Variants in CFTR observed in about 807,000 individuals in gnomAD.
CFTR encodes CF transmembrane conductance regulator, also known as cystic fibrosis transmembrane conductance regulator.
Under a neutral mutation model 171.6 loss-of-function variants are expected in CFTR, and 181 were observed. The ratio of observed to expected loss-of-function variants is 1.05; its 90% confidence interval spans 0.93 to 1.19. The LOEUF is 1.19. CFTR is among the 50% of genes most tolerant of loss of function. The probability of loss-of-function intolerance (pLI) is 0.00; values close to 1 mark genes in which losing one functional copy is unlikely to be tolerated. For synonymous variants in CFTR, 583 were observed against 608.0 expected (o/e 0.96, Z 0.60); for missense variants, 1,968 against 1,734.7 (o/e 1.13, Z -2.39).
intron 20 of CFTR, among the ~76,000 whole-genome samples, chr7:117,614,034 G>T (rs897105220): frequency 1.1e-4 from 15 of 132,860 alleles, no homozygotes; most frequent in Non-Finnish European, 2.3e-4. Flanking sequence ...TGCATAGAGG[G>T]TAATCTTTTC....
intron 21 of CFTR, among the ~76,000 whole-genome samples, chr7:117,622,024 G>A (rs1372043675): frequency 6.6e-6 from 1 of 152,188 alleles, no homozygotes; most frequent in Non-Finnish European, 1.5e-5. Flanking sequence ...GTTTTGTGAA[G>A]ATCACCATCT....
chr7:117,557,818 A>G (rs1452460706), intron 10 of CFTR, among the ~76,000 whole-genome samples: 2 of 152,138 alleles, frequency 1.3e-5, no homozygotes, highest in Non-Finnish European at 2.9e-5. Flanking sequence ...TCCTCTTAAT[A>G]GATGGGTTAA....
chr7:117,587,783 A>T lies in CFTR; in HGVS notation c.1629A>T (p.Glu543Asp). The change falls in exon 12 of 27, where the codon GAA (glutamate) becomes GAT (aspartate). Residue 543 changes from glutamate (E) to aspartate (D), a missense_variant. Coordinates refer to ENST00000003084, the MANE Select transcript of CFTR (RefSeq NM_000492.4). ...AGAAAGACAATATAGTTCTTGGAGA[A>T]GGTGGAATCACACTGAGTGGAGGTC... ...FAEKDNIVLGEGGITLSGGQR... is the reference protein window; with the variant it reads ...FAEKDNIVLGDGGITLSGGQR... 1 of 1,612,338 alleles carries T rather than the reference A, an allele frequency of 6.2e-7. No homozygotes were observed. The highest frequency in any genetic ancestry group is 8.5e-7 in the Non-Finnish European group (1 of 1,178,564).
intron 11 of CFTR, among the ~76,000 whole-genome samples, chr7:117,572,416 CAACA>C (rs894058169): frequency 3.3e-5 from 5 of 152,024 alleles, no homozygotes; most frequent in African/African-American, 9.7e-5. Context: ...TGACTTAGGT[CAACA>C]AACAATCTTT....
Position 117,592,246 on chromosome 7 carries a change from T to TG in CFTR, c.2083dup (p.Glu695GlyfsTer35), listed in dbSNP as rs397508339. On this transcript the variant is annotated frameshift_variant, in exon 14 of 27. Coordinates refer to ENST00000003084, the MANE Select transcript of CFTR (RefSeq NM_000492.4). LOFTEE classifies it high-confidence loss of function. Reference sequence around the variant, plus strand: ...AATCTTTTAAACAGACTGGAGAGTTTGGGGAAAAAAGGAAGAATTCTATTC... The same window carrying TG: ...AATCTTTTAAACAGACTGGAGAGTTTGGGGGAAAAAAGGAAGAATTCTATTC... The TG allele has an allele frequency of 6.2e-7, 1 of 1,613,816 alleles. No individual in the cohort carries two copies. The highest frequency in any genetic ancestry group is 2.2e-5 in the East Asian group (1 of 44,884).
chr7:117,653,931 G>A (rs1463266530), intron 24 of CFTR, among the ~76,000 whole-genome samples: 1 of 152,186 alleles, frequency 6.6e-6, no homozygotes, highest in Admixed American at 6.5e-5. Flanking sequence ...AACAGGCACA[G>A]GCTAGACAGT....
intron 11 of CFTR, among the ~76,000 whole-genome samples, chr7:117,565,283 T>C (rs144276332): frequency 1.3e-5 from 2 of 152,300 alleles, no homozygotes; most frequent in East Asian, 1.9e-4. Context: ...CCTTATGAGA[T>C]TATAATTGTA....
intron 1 of CFTR, among the ~76,000 whole-genome samples, chr7:117,500,441 C>T (rs189601115): frequency 2.8e-4 from 43 of 152,084 alleles, no homozygotes; most frequent in African/African-American, 9.9e-4. Context: ...CATGTGCCCC[C>T]ATGCCTGGCT....
intron 24 of CFTR, among the ~76,000 whole-genome samples, chr7:117,654,466 A>G (rs922473080): frequency 1.3e-5 from 2 of 151,898 alleles, no homozygotes; most frequent in Non-Finnish European, 2.9e-5. Context: ...CCCCACCCAA[A>G]TCTTGTCTTG....
Position 117,592,676 on chromosome 7 carries a change from G to A in CFTR, c.2490+19G>A, listed in dbSNP as rs368353825. 4 of 1,498,102 alleles carry A rather than the reference G, an allele frequency of 2.7e-6. No homozygotes were observed. Among genetic ancestry groups the A allele is most frequent in the South Asian group, 3.0e-5 (2 of 66,068 alleles). 92.8% of individuals were successfully genotyped at this position (1,498,102 alleles called of 1,614,324 possible). On this transcript the variant is annotated intron_variant, in intron 14 of 26. Coordinates refer to ENST00000003084, the MANE Select transcript of CFTR (RefSeq NM_000492.4). The stretch of plus-strand genomic sequence containing the variant: ...CTTAAAGGTAGGTATACATCGCTTG[G>A]GGGTATTTCACCCCACAGAATGCAA...
At chr7:117,618,172 A>T (rs1176636991) in intron 21 of CFTR, among the ~76,000 whole-genome samples, 1 of 151,992 alleles carries the variant, frequency 6.6e-6, no homozygotes, top group Non-Finnish European at 1.5e-5. Flanking sequence ...GCTATATCTC[A>T]GCCCTGTTCT....
At chr7:117,496,578 A>T (rs1257370089) in intron 1 of CFTR, among the ~76,000 whole-genome samples, 4 of 152,142 alleles carry the variant, frequency 2.6e-5, no homozygotes, top group African/African-American at 9.7e-5. Flanking sequence ...TCCCCAGTTA[A>T]TAGATATTTC....
Position 117,664,747 on chromosome 7 carries a change from T to TG in CFTR, c.4028dup (p.Cys1344LeufsTer15). ...GGAAGCTTGACTTTGTCCTTGTGGATGGGGGCTGTGTCCTAAGCCATGGCC... is the reference window on the plus strand; with the variant it reads ...GGAAGCTTGACTTTGTCCTTGTGGATGGGGGGCTGTGTCCTAAGCCATGGCC... On this transcript the variant is annotated frameshift_variant, in exon 25 of 27. Coordinates refer to ENST00000003084, the MANE Select transcript of CFTR (RefSeq NM_000492.4). LOFTEE classifies it high-confidence loss of function. 6.2e-7 allele frequency: 1 copy of TG among 1,614,018 alleles called. No homozygotes were observed.
At chr7:117,564,299 T>G (rs1190894512) in intron 11 of CFTR, among the ~76,000 whole-genome samples, 1 of 152,186 alleles carries the variant, frequency 6.6e-6, no homozygotes, top group Non-Finnish European at 1.5e-5. Context: ...TAACTGAAAG[T>G]GCTCGGTTAT....
At chr7:117,487,723 C>T (rs1007923712) in intron 1 of CFTR, 1 of 152,108 alleles carries the variant, frequency 6.6e-6, no homozygotes, top group African/African-American at 2.4e-5. Flanking sequence ...GACTTCACAT[C>T]TACTCCCAAA....
At chr7:117,501,659 A>G (rs950578059) in intron 1 of CFTR, among the ~76,000 whole-genome samples, 1 of 145,042 alleles carries the variant, frequency 6.9e-6, no homozygotes, top group Non-Finnish European at 1.5e-5. Context: ...AGGCAGGAGA[A>G]TTGCTTGAAC....
In CFTR at chr7:117,627,587, A is replaced by G. The variant is rs1792671258; in HGVS notation, c.3534A>G (p.Ser1178=). ...DMPTEGKPTK[S]TKPYKNGQLS... ...CAACAGAAGGTAAACCTACCAAGTCAACCAAACCATACAAGAATGGCCAAC... is the reference window on the plus strand; with the variant it reads ...CAACAGAAGGTAAACCTACCAAGTCGACCAAACCATACAAGAATGGCCAAC... The change falls in exon 22 of 27, where the codon TCA becomes TCG. Residue 1178 remains serine (S), a synonymous_variant. Coordinates refer to ENST00000003084, the MANE Select transcript of CFTR (RefSeq NM_000492.4). 6.2e-7 allele frequency: 1 copy of G among 1,613,466 alleles called. No homozygotes were observed. The highest frequency in any genetic ancestry group is 2.2e-5 in the East Asian group (1 of 44,826).
At chr7:117,591,032 T>G (rs773229213) in intron 13 of CFTR, among the ~76,000 whole-genome samples, 8 of 152,072 alleles carry the variant, frequency 5.3e-5, no homozygotes, top group Non-Finnish European at 1.0e-4. Flanking sequence ...CAAAATGATT[T>G]AATGGACTAT....
At chr7:117,539,336 A>G (rs147500189) in intron 7 of CFTR, among the ~76,000 whole-genome samples, 66 of 152,346 alleles carry the variant, frequency 4.3e-4, no homozygotes, top group African/African-American at 1.6e-3. Context: ...AAATAATTAT[A>G]TTGAAATGAG....
Sources: allele counts gnomAD v4.1 joint callset (sites outside exome capture counted in the v4.1 genomes callset), GRCh38; gene constraint gnomAD v4.1.1; transcripts MANE v1.5; gene names NCBI Gene and HGNC (gene_info 2026-07-23, HGNC 2026-07-21).